CASZ1: variants seen among roughly 807,000 people sequenced by gnomAD.
CASZ1 encodes castor zinc finger 1, also known as zinc finger protein castor homolog 1.
CASZ1 carries 28 observed loss-of-function variants against 135.2 expected under a neutral mutation model. That is an observed-to-expected ratio of 0.21 (90% CI 0.15 to 0.28). The LOEUF (loss-of-function observed/expected upper bound fraction) is 0.28. Among genes scored for constraint, CASZ1 ranks in the 10% least tolerant of loss-of-function variants. The pLI is 1.00. For synonymous variants in CASZ1, 1,068 were observed against 1,073.4 expected, an observed-to-expected ratio of 0.99 and a Z score of 0.10; for missense variants, 2,161 against 2,453.3, an observed-to-expected ratio of 0.88 and a Z score of 2.52.
At chr1:10,662,401 G>A (rs1187770400) in intron 5 of CASZ1, among the ~76,000 whole-genome samples, 3 of 150,894 alleles carry the variant, frequency 2.0e-5, no homozygotes, top group South Asian at 2.1e-4. Flanking sequence ...ACCCAATCAC[G>A]TGCATACAAT....
chr1:10,650,973 G>A lies in CASZ1; in HGVS notation c.2784C>T (p.Asp928=), dbSNP rs375600934. ...CCTTCACAGTCAGGTCTAGACTGCG[G>A]TCCTGGGAGGCTTCGTGGGGGCCTG... ...GAPGPHEASQ[D]RSLDLTVKEP... Residue 928 remains aspartate (D), a synonymous_variant, in exon 12 of 21, where the codon GAC becomes GAT. Coordinates refer to ENST00000377022, the MANE Select transcript of CASZ1 (RefSeq NM_001079843.3). The A allele has an allele frequency of 6.9e-5, 109 of 1,583,668 alleles. No individual in the cohort carries two copies. The highest frequency in any genetic ancestry group is 8.7e-5 in the Non-Finnish European group (102 of 1,172,396).
intron 18 of CASZ1, among the ~76,000 whole-genome samples, chr1:10,644,598 C>G (rs1177543884): frequency 6.6e-6 from 1 of 152,220 alleles, no homozygotes; most frequent in Non-Finnish European, 1.5e-5. Context: ...ATTCCCTGCT[C>G]GCCTTCTTGA....
At chr1:10,778,181 GCA>G (rs1640695304) in intron 1 of CASZ1, among the ~76,000 whole-genome samples, 1 of 149,436 alleles carries the variant, frequency 6.7e-6, no homozygotes, top group African/African-American at 2.5e-5. Context: ...TCACAATCTC[GCA>G]CACAATCAGA....
At chr1:10,786,080 G>A (rs1036054730) in intron 1 of CASZ1, among the ~76,000 whole-genome samples, 9 of 152,198 alleles carry the variant, frequency 5.9e-5, no homozygotes, top group African/African-American at 1.4e-4. Context: ...AGGCGCTCTC[G>A]TGGGCACGAC....
intron 2 of CASZ1, among the ~76,000 whole-genome samples, chr1:10,722,004 C>A (rs1489422551): frequency 1.3e-5 from 2 of 152,236 alleles, no homozygotes; most frequent in African/African-American, 4.8e-5. Flanking sequence ...GAAACTGAGG[C>A]ACAGCAGAGC....
At chr1:10,680,377 C>T (rs1638375995) in intron 4 of CASZ1, among the ~76,000 whole-genome samples, 1 of 152,078 alleles carries the variant, frequency 6.6e-6, no homozygotes. Context: ...ACACCAGGGA[C>T]CCACAGGTCT....
chr1:10,771,695 C>A (rs557029549), intron 1 of CASZ1, among the ~76,000 whole-genome samples: 2 of 152,308 alleles, frequency 1.3e-5, no homozygotes, highest in East Asian at 3.9e-4. Flanking sequence ...TCCTCCTCCT[C>A]CTCACCAGCC....
At chr1:10,723,888 T>A (rs891795004) in intron 2 of CASZ1, among the ~76,000 whole-genome samples, 1 of 152,194 alleles carries the variant, frequency 6.6e-6, no homozygotes, top group Non-Finnish European at 1.5e-5. Context: ...CAGCACTGCC[T>A]GGGTCATGTG....
chr1:10,753,372 C>G (rs1366996206), intron 2 of CASZ1, among the ~76,000 whole-genome samples: 1 of 152,170 alleles, frequency 6.6e-6, no homozygotes, highest in Non-Finnish European at 1.5e-5. Flanking sequence ...TCCTCCCTCA[C>G]CCGTCACTGC....
In CASZ1 at chr1:10,694,672, G is replaced by C. The variant is rs1638880305; in HGVS notation, c.-23-760C>G. Among the ~76,000 whole-genome samples, 1 of 140,030 alleles carries C rather than the reference G, an allele frequency of 7.1e-6. No individual in the cohort carries two copies. The highest frequency in any genetic ancestry group is 2.1e-4 in the South Asian group (1 of 4,684). 91.9% of individuals were successfully genotyped at this position (140,030 alleles called of 152,430 possible). On this transcript the variant is annotated intron_variant, in intron 3 of 20. Transcript: ENST00000377022. This position sits in a 1 kb window ranked among gnomAD's most constrained non-coding sequence, Gnocchi z 6.6. ...GCCCGGTGCCGGAGTGAATGGGCTC[G>C]CGCTCGCTCGCGCCCCCGCCGCGCG...
Position 10,650,737 on chromosome 1 carries a change from G to A in CASZ1, c.2835C>T (p.His945=), listed in dbSNP as rs1557466011. 15 of 1,614,100 alleles carry A rather than the reference G, an allele frequency of 9.3e-6. No homozygotes were observed. The highest frequency in any genetic ancestry group is 1.1e-5 in the South Asian group (1 of 91,088). The part of the protein sequence containing the change: ...VKEPSNESNG[H]AVPANSSLLS... ...AAAGAGATGAATTTGCCGGGACTGC[G>A]TGGCCATTTGATTCGTTGCTAGAAC... The change falls in exon 13 of 21, where the codon CAC becomes CAT. Residue 945 remains histidine (H), a synonymous_variant. Coordinates refer to ENST00000377022, the MANE Select transcript of CASZ1 (RefSeq NM_001079843.3).
intron 1 of CASZ1, among the ~76,000 whole-genome samples, chr1:10,770,880 T>C (rs1640564023): frequency 6.6e-6 from 1 of 152,190 alleles, no homozygotes; most frequent in South Asian, 2.1e-4. Context: ...GAAGAGCCAG[T>C]GCTTTCAGGA....
chr1:10,657,784 G>A lies in CASZ1; in HGVS notation c.1409+724C>T, dbSNP rs1223262675. ...GCCGCTGGGTGCTGCCCCATCAGAGGGCAGGCGGTGGGGGGGTGGGGGCGG... is the reference window on the plus strand; with the variant it reads ...GCCGCTGGGTGCTGCCCCATCAGAGAGCAGGCGGTGGGGGGGTGGGGGCGG... On this transcript the variant is annotated intron_variant, in intron 7 of 20. Coordinates refer to ENST00000377022, the MANE Select transcript of CASZ1 (RefSeq NM_001079843.3). This position sits in a 1 kb window ranked among gnomAD's most constrained non-coding sequence, Gnocchi z 5.7. Among the ~76,000 whole-genome samples the A allele has an allele frequency of 6.7e-6, 1 of 150,348 alleles. No homozygotes were observed. Among genetic ancestry groups the A allele is most frequent in the African/African-American group, 2.5e-5 (1 of 40,750 alleles).
chr1:10,758,923 C>T (rs1044543144), intron 2 of CASZ1, among the ~76,000 whole-genome samples: 2 of 152,200 alleles, frequency 1.3e-5, no homozygotes, highest in African/African-American at 4.8e-5. Context: ...TTATCAAGTC[C>T]AAGACAGCCG....
At chr1:10,728,851 G>A (rs1639643761) in intron 2 of CASZ1, among the ~76,000 whole-genome samples, 1 of 152,148 alleles carries the variant, frequency 6.6e-6, no homozygotes, top group African/African-American at 2.4e-5. Context: ...AAGAGTTGCT[G>A]GTGAGTCCCC....
rs1639917153 is a variant in CASZ1, at chr1:10,741,286, T to A, written c.-77+19415A>T. Among the ~76,000 whole-genome samples, 1 of 152,146 alleles carries A rather than the reference T, an allele frequency of 6.6e-6. No individual in the cohort carries two copies. Among genetic ancestry groups the A allele is most frequent in the Non-Finnish European group, 1.5e-5 (1 of 68,028 alleles). The stretch of plus-strand genomic sequence containing the variant: ...GCGTGAGCCACTGCGCCTGGCTCTA[T>A]ATTGGGCTTTAAACGACATGAGGGC... On this transcript the variant is annotated intron_variant, in intron 2 of 20. Coordinates refer to ENST00000377022, the MANE Select transcript of CASZ1 (RefSeq NM_001079843.3). This position sits in a 1 kb window ranked among gnomAD's most constrained non-coding sequence, Gnocchi z 5.0.
At chr1:10,768,721 C>G (rs1026514085) in intron 1 of CASZ1, among the ~76,000 whole-genome samples, 3 of 152,178 alleles carry the variant, frequency 2.0e-5, no homozygotes, top group African/African-American at 7.2e-5. Flanking sequence ...GCCGGCCGGG[C>G]TTGCTCCTCC....
At position 10,719,767 on chromosome 1, in the gene CASZ1, G is replaced by A. The variant is rs551628283; in HGVS notation, c.-76-14223C>T. 1.5e-3 allele frequency among the ~76,000 whole-genome samples: 228 copies of A among 152,284 alleles called. 1 individual carries two copies. Among genetic ancestry groups the A allele is most frequent in the African/African-American group, 4.9e-3 (204 of 41,568 alleles). ...GAATAGAGGAATTGGGCACTTCAAC[G>A]TTCCAAGCAAAAACTGCACACAAAG... is the stretch of plus-strand genomic sequence containing the variant. On this transcript the variant is annotated intron_variant, in intron 2 of 20. Coordinates refer to ENST00000377022, the MANE Select transcript of CASZ1 (RefSeq NM_001079843.3). The surrounding 1 kb of genome is among the most constrained non-coding windows in gnomAD (Gnocchi z 4.0).
Position 10,676,349 on chromosome 1 carries a change from CT to C in CASZ1, c.17-10779del, listed in dbSNP as rs1338300613. ...GCCCCTGCCTGTCCCATGCTCACCC[CT>C]GTCCTTCCTCTCCAAGGAGAGCCAC... On this transcript the variant is annotated intron_variant, in intron 4 of 20. Transcript: ENST00000377022. This position sits in a 1 kb window ranked among gnomAD's most constrained non-coding sequence, Gnocchi z 4.5. Among the ~76,000 whole-genome samples, 2 of 152,328 alleles carry C rather than the reference CT, an allele frequency of 1.3e-5. No individual in the cohort carries two copies. Among genetic ancestry groups the C allele is most frequent in the South Asian group, 2.1e-4 (1 of 4,826 alleles).
Sources: gnomAD v4.1 joint callset for allele counts (sites outside exome capture counted in the v4.1 genomes callset) on GRCh38, gnomAD v4.1.1 for gene constraint, Gnocchi (gnomAD v3.1) non-coding constraint, MANE v1.5 for transcripts, NCBI Gene and HGNC (gene_info 2026-07-23, HGNC 2026-07-21) for gene names.